The following TRPC6 variants were observed in gnomAD, a reference collection of about 807,000 sequenced individuals.
TRPC6 encodes short transient receptor potential channel 6.
TRPC6 carries 55 observed loss-of-function variants against 90.7 expected under a neutral mutation model. That is an observed-to-expected ratio of 0.61 (90% CI 0.49 to 0.76). The LOEUF (loss-of-function observed/expected upper bound fraction) is 0.76, where lower values mean the gene tolerates loss of function less well. TRPC6 is among the 30% of genes least tolerant of loss of function. The pLI is 0.00. For missense variants in TRPC6, 989 were observed against 1,122.7 expected (o/e 0.88, Z 1.70); for synonymous variants, 393 against 393.0 (o/e 1.00, Z 0.00).
At chr11:101,544,465 G>T (rs1022976006) in intron 1 of TRPC6, among the ~76,000 whole-genome samples, 14 of 152,058 alleles carry the variant, frequency 9.2e-5, no homozygotes, top group African/African-American at 3.4e-4. Flanking sequence ...CAATAGCAAA[G>T]ACCTGGAACC....
chr11:101,470,002 G>GAAAC (rs1328437680), intron 9 of TRPC6, among the ~76,000 whole-genome samples: 1 of 152,130 alleles, frequency 6.6e-6, no homozygotes, highest in Non-Finnish European at 1.5e-5. Context: ...TAGTAAATGG[G>GAAAC]AAACAGTGCA....
intron 1 of TRPC6, among the ~76,000 whole-genome samples, chr11:101,567,240 C>T (rs554978732): frequency 2.4e-4 from 36 of 152,000 alleles, no homozygotes; most frequent in Non-Finnish European, 5.0e-4. Context: ...ACAGTATAAA[C>T]AAAGCCCTGG....
chr11:101,488,248 A>G (rs1400468792), intron 4 of TRPC6, among the ~76,000 whole-genome samples: 1 of 152,228 alleles, frequency 6.6e-6, no homozygotes, highest in Admixed American at 6.5e-5. Context: ...ATGATAGGTC[A>G]ATATTTCTCA....
chr11:101,499,942 G>A (rs144962159), intron 2 of TRPC6, among the ~76,000 whole-genome samples: 3 of 38,704 alleles, frequency 7.8e-5, no homozygotes, highest in South Asian at 5.6e-4. Flanking sequence ...TATATACACA[G>A]TATAAAATGT....
chr11:101,497,428 G>A (rs1859974880), intron 2 of TRPC6, among the ~76,000 whole-genome samples: 1 of 152,194 alleles, frequency 6.6e-6, no homozygotes, highest in Non-Finnish European at 1.5e-5. Context: ...CATTTTCTTG[G>A]AGGATAGTTA....
At chr11:101,460,954 C>T (rs1331434607) in intron 10 of TRPC6, among the ~76,000 whole-genome samples, 1 of 152,100 alleles carries the variant, frequency 6.6e-6, no homozygotes, top group Non-Finnish European at 1.5e-5. Flanking sequence ...TCAATTATAA[C>T]ACAACAATAA....
chr11:101,576,605 T>C (rs1460131385), intron 1 of TRPC6, among the ~76,000 whole-genome samples: 1 of 152,196 alleles, frequency 6.6e-6, no homozygotes, highest in Admixed American at 6.5e-5. Context: ...CATCAGAAGA[T>C]TCCTAAACAA....
intron 10 of TRPC6, among the ~76,000 whole-genome samples, chr11:101,456,181 T>C (rs1378164676): frequency 6.6e-6 from 1 of 152,134 alleles, no homozygotes; most frequent in East Asian, 1.9e-4. Context: ...AAACGAGCAC[T>C]TGAAGGGAAC....
At chr11:101,495,197 C>T (rs926351128) in intron 2 of TRPC6, among the ~76,000 whole-genome samples, 3 of 152,186 alleles carry the variant, frequency 2.0e-5, no homozygotes, top group African/African-American at 7.2e-5. Context: ...TAATGAAACA[C>T]AGTTTAGAAA....
Position 101,476,378 on chromosome 11 carries a change from C to G in TRPC6, c.1667G>C (p.Ser556Thr), listed in dbSNP as rs202139115. 1 of 1,614,062 alleles carries G rather than the reference C, an allele frequency of 6.2e-7. No individual in the cohort carries two copies. Among genetic ancestry groups the G allele is most frequent in the Non-Finnish European group, 8.5e-7 (1 of 1,179,988 alleles). The change falls in exon 6 of 13, where the codon AGC (serine) becomes ACC (threonine). Residue 556 changes from serine (S) to threonine (T), a missense_variant. Ser to Thr is a moderately conservative substitution (Grantham distance 58, BLOSUM62 1). Transcript: ENST00000344327. ...MAFWHASKAQ[S>T]IIDANDTLKD... ...CAAAGTATCATTTGCGTCAATGATG[C>G]TCTGGGCTTTGGAAGCATGCCAAAA...
intron 1 of TRPC6, among the ~76,000 whole-genome samples, chr11:101,569,293 G>A (rs534395924): frequency 1.4e-4 from 21 of 151,966 alleles, no homozygotes; most frequent in East Asian, 1.9e-4. Flanking sequence ...GATGATAAAC[G>A]GATCAATGCA....
At chr11:101,581,242 G>T (rs1565256133) in intron 1 of TRPC6, among the ~76,000 whole-genome samples, 1 of 152,132 alleles carries the variant, frequency 6.6e-6, no homozygotes, top group African/African-American at 2.4e-5. Flanking sequence ...TGAACTAAGG[G>T]AATATTCACT....
intron 1 of TRPC6, among the ~76,000 whole-genome samples, chr11:101,539,798 G>A (rs1430773070): frequency 6.6e-6 from 1 of 151,968 alleles, no homozygotes; most frequent in Non-Finnish European, 1.5e-5. Context: ...TCTGCATTAG[G>A]AGCGTTACAT....
chr11:101,544,857 A>C (rs966369350), intron 1 of TRPC6, among the ~76,000 whole-genome samples: 1 of 149,368 alleles, frequency 6.7e-6, no homozygotes, highest in Non-Finnish European at 1.5e-5. Flanking sequence ...CTGCACATAT[A>C]CCCCAGAACT....
intron 2 of TRPC6, among the ~76,000 whole-genome samples, chr11:101,496,890 A>G (rs1177386053): frequency 6.6e-6 from 1 of 152,188 alleles, no homozygotes; most frequent in Non-Finnish European, 1.5e-5. Flanking sequence ...GAACACACAT[A>G]CACATACCCC....
chr11:101,548,273 A>ATATAT (rs60683926), intron 1 of TRPC6, among the ~76,000 whole-genome samples: 1 of 136,148 alleles, frequency 7.3e-6, no homozygotes, highest in South Asian at 2.2e-4. Context: ...ATATATATAT[A>ATATAT]ATTTATATAT....
intron 4 of TRPC6, among the ~76,000 whole-genome samples, chr11:101,483,766 A>C (rs1456514921): frequency 1.3e-5 from 2 of 152,232 alleles, no homozygotes; most frequent in African/African-American, 4.8e-5. Flanking sequence ...TTTAAAGTCC[A>C]ACATTTTAGG....
chr11:101,545,575 G>A (rs12801413), intron 1 of TRPC6, among the ~76,000 whole-genome samples: 15,219 of 152,142 alleles, frequency 0.1, 877 homozygotes, highest in Middle Eastern at 0.14. Flanking sequence ...TTATTAGATC[G>A]TCTGGGTCTT....
At chr11:101,570,138 A>G (rs1861927416) in intron 1 of TRPC6, among the ~76,000 whole-genome samples, 1 of 152,224 alleles carries the variant, frequency 6.6e-6, no homozygotes, top group African/African-American at 2.4e-5. Context: ...AGATTAATAA[A>G]GAAGAAAAGA....
Sources: allele counts gnomAD v4.1 joint callset (sites outside exome capture counted in the v4.1 genomes callset), GRCh38; gene constraint gnomAD v4.1.1; transcripts MANE v1.5; gene names NCBI Gene and HGNC (gene_info 2026-07-23, HGNC 2026-07-21).